PHC1: variants seen among roughly 807,000 people sequenced by gnomAD.
The protein encoded by PHC1 is polyhomeotic-like protein 1.
Under a neutral mutation model 104.3 loss-of-function variants are expected in PHC1, and 12 were observed. The observed-to-expected ratio is 0.12, with a 90% CI of 0.07 to 0.19. The LOEUF (loss-of-function observed/expected upper bound fraction) is 0.19, where lower values mean the gene tolerates loss of function less well. Among genes scored for constraint, PHC1 ranks in the 10% least tolerant of loss-of-function variants. The pLI, the probability that PHC1 is intolerant of heterozygous loss-of-function variation, is 1.00. For synonymous variants in PHC1, 302 were observed against 455.8 expected, an observed-to-expected ratio of 0.66 and a Z score of 4.30; for missense variants, 671 against 1,200.0, an observed-to-expected ratio of 0.56 and a Z score of 6.51.
chr12:8,930,293 C>T, intron 6 of PHC1, 142 bp from the exon 7 acceptor site: 1 of 1,303,622 alleles, frequency 7.7e-7, no homozygotes, highest in South Asian at 1.5e-5. Context: ...GTAGGAAGGC[C>T]TTAAAGTATA....
At chr12:8,937,417 T>A in intron 13 of PHC1, 91 bp downstream of exon 13, 1 of 1,201,042 alleles carries the variant, frequency 8.3e-7, no homozygotes, top group Non-Finnish European at 1.1e-6. Flanking sequence ...TAAGAGGGTG[T>A]GAGATGAGAA....
chr12:8,928,445 G>A (rs1358370717), intron 6 of PHC1, among the ~76,000 whole-genome samples: 1 of 152,084 alleles, frequency 6.6e-6, no homozygotes, highest in Non-Finnish European at 1.5e-5. Flanking sequence ...TATTTACTCT[G>A]TAATTTTTAA....
At position 8,918,861 on chromosome 12, in the gene PHC1, T is replaced by A. The variant is rs192423032; in HGVS notation, c.115-895T>A. The stretch of plus-strand genomic sequence containing the variant: ...ATGTATTGTTGGACGATTTTGTAAT[T>A]GCGTGACTGTCATAGAGCGCACTTA... On this transcript the variant is annotated intron_variant, in intron 2 of 14. Transcript: ENST00000544916. 1.1e-4 allele frequency among the ~76,000 whole-genome samples: 17 copies of A among 152,324 alleles called. No homozygotes were observed. The East Asian group carries it at 1.7e-3, about 16-fold the overall frequency.
In PHC1 at chr12:8,925,154, C is replaced by T. The variant is rs781424572; in HGVS notation, c.612+2366C>T. 4.6e-5 allele frequency among the ~76,000 whole-genome samples: 7 copies of T among 152,256 alleles called. No homozygotes were observed. In the South Asian group the frequency reaches 1.5e-3, roughly 32 times the overall value. On this transcript the variant is annotated intron_variant, in intron 6 of 14. Transcript: ENST00000544916. ...CCACTACTTACTGTGTGACCCTGTG[C>T]AAATGATCTGACATCTTTCTGTTAT...
intron 6 of PHC1, among the ~76,000 whole-genome samples, chr12:8,928,755 A>G (rs1204751646): frequency 6.6e-6 from 1 of 152,206 alleles, no homozygotes; most frequent in Non-Finnish European, 1.5e-5. Context: ...CACCATGTAT[A>G]TATTTTAATT....
rs1945793167 is a variant in PHC1 at position 8,934,979 on chromosome 12, A to T, written c.2254-145A>T. The T allele has an allele frequency of 1.1e-5, 6 of 561,370 alleles. No homozygotes were observed. The South Asian group carries it at 1.4e-4, about 13-fold the overall frequency. The allele number at this position is 561,370 out of a possible 1,614,324, so 34.8% of individuals were successfully genotyped here. On this transcript the variant is annotated intron_variant, in intron 10 of 14. Coordinates refer to ENST00000544916, the MANE Select transcript of PHC1 (RefSeq NM_004426.3). Reference sequence around the variant, plus strand: ...ACCAGTTACTACTCTTGATTACCGTATTGAAAGTGATTCTCTCTGAACCAG... The same window carrying T: ...ACCAGTTACTACTCTTGATTACCGTTTTGAAAGTGATTCTCTCTGAACCAG...
At chr12:8,924,543 T>C (rs1008121185) in intron 6 of PHC1, among the ~76,000 whole-genome samples, 1 of 152,146 alleles carries the variant, frequency 6.6e-6, no homozygotes, top group Non-Finnish European at 1.5e-5. Flanking sequence ...TGGAAAAGAA[T>C]TGGTTACATT....
chr12:8,935,771 T>A lies in PHC1; in HGVS notation c.2368+533T>A, dbSNP rs768782374. Among the ~76,000 whole-genome samples, 96 of 152,236 alleles carry A rather than the reference T, an allele frequency of 6.3e-4. 1 individual carries two copies. Among genetic ancestry groups the A allele is most frequent in the Middle Eastern group, 3.4e-3 (1 of 294 alleles). ...AATCTTTTGAATTATTATTATTATT[T>A]TTTTTTGAGACGGAGTTTCGCTCTT... On this transcript the variant is annotated intron_variant, in intron 11 of 14. Coordinates refer to ENST00000544916, the MANE Select transcript of PHC1 (RefSeq NM_004426.3).
At chr12:8,935,277 C>T (rs753234936) in intron 11 of PHC1, 39 bp downstream of exon 11, 2 of 1,096,460 alleles carry the variant, frequency 1.8e-6, no homozygotes, top group East Asian at 2.6e-5. Flanking sequence ...GGGAAGGAGA[C>T]TCGTGGAGAT....
At chr12:8,938,521 A>G (rs1467107887) in intron 14 of PHC1, among the ~76,000 whole-genome samples, 1 of 150,230 alleles carries the variant, frequency 6.7e-6, no homozygotes, top group Non-Finnish European at 1.5e-5. Context: ...GGCTCAAGAG[A>G]TCCTTCTGCC....
At position 8,937,273 on chromosome 12, in the gene PHC1, C is replaced by G; in HGVS notation, c.2575C>G (p.Arg859Gly). 1 of 1,611,984 alleles carries G rather than the reference C, an allele frequency of 6.2e-7. No individual in the cohort carries two copies. Among genetic ancestry groups the G allele is most frequent in the Non-Finnish European group, 8.5e-7 (1 of 1,179,036 alleles). ...NYARVRRRGP[R>G]RSSSDIARAK... ...TGCTCGCGTTCGCAGGCGTGGACCC[C>G]GCCGCAGCTCCTCTGACATTGCCCG... Residue 859 changes from arginine to glycine, a missense_variant, in exon 13 of 15, where the codon CGC becomes GGC. Transcript: ENST00000544916.
intron 9 of PHC1, 27 bp downstream of exon 9, chr12:8,934,039 G>GGAGA (rs1221438152): frequency 6.2e-7 from 1 of 1,611,572 alleles, no homozygotes; most frequent in East Asian, 2.2e-5. Flanking sequence ...TAATGCTGTT[G>GGAGA]GAGAGCACAC....
Position 8,920,972 on chromosome 12 carries a change from TC to T in PHC1, c.226-9del. On this transcript the variant is annotated splice_polypyrimidine_tract_variant and intron_variant, in intron 3 of 14. Transcript: ENST00000544916. ...TGTCTTTGCTATTTCTTGTTTCCCT[TC>T]CCCTTTAATAGGCCACAATTGCTGC... is the stretch of plus-strand genomic sequence containing the variant. 1 of 1,599,082 alleles carries T rather than the reference TC, an allele frequency of 6.3e-7. No individual in the cohort carries two copies.
chr12:8,917,863 T>A (rs1461490218), intron 2 of PHC1, 72 bp downstream of exon 2: 1 of 769,100 alleles, frequency 1.3e-6, no homozygotes, highest in South Asian at 1.8e-5. Flanking sequence ...TGGAAAATAA[T>A]TGTACTCAGT....
intron 2 of PHC1, 25 bp downstream of exon 2, chr12:8,917,816 T>C: frequency 1.6e-6 from 2 of 1,242,048 alleles, no homozygotes. Flanking sequence ...TGAGGGGCCA[T>C]GGTCTGTGAG....
chr12:8,916,327 T>G (rs189556852), intron 1 of PHC1, among the ~76,000 whole-genome samples: 2 of 152,314 alleles, frequency 1.3e-5, no homozygotes, highest in Admixed American at 1.3e-4. Flanking sequence ...GTTTGTTTGT[T>G]TTGGATGCAA....
At position 8,937,241 on chromosome 12, in the gene PHC1, C is replaced by G. The variant is rs752373369; in HGVS notation, c.2543C>G (p.Ala848Gly). 9.9e-6 allele frequency: 16 copies of G among 1,613,278 alleles called. No homozygotes were observed. Among genetic ancestry groups the G allele is most frequent in the Non-Finnish European group, 1.4e-5 (16 of 1,179,466 alleles). ...KRKKMKEFQE[A>G]NYARVRRRGP... Reference sequence around the variant, plus strand: ...AAAAAAATGAAAGAGTTTCAAGAAGCCAACTATGCTCGCGTTCGCAGGCGT... The same window carrying G: ...AAAAAAATGAAAGAGTTTCAAGAAGGCAACTATGCTCGCGTTCGCAGGCGT... The change falls in exon 13 of 15, where the codon GCC (alanine) becomes GGC (glycine). Residue 848 changes from alanine (A) to glycine (G), a missense_variant. Transcript: ENST00000544916.
At position 8,933,364 on chromosome 12, in the gene PHC1, G is replaced by C; in HGVS notation, c.1893+14G>C. 1 of 1,547,386 alleles carries C rather than the reference G, an allele frequency of 6.5e-7. No individual in the cohort carries two copies. Among genetic ancestry groups the C allele is most frequent in the Non-Finnish European group, 8.8e-7 (1 of 1,139,366 alleles). The stretch of plus-strand genomic sequence containing the variant: ...GTGCACTTGCCGGTGAGTGATGTCT[G>C]ATGGTTTTGAGGGCACTATTATGCA... On this transcript the variant is annotated intron_variant, in intron 8 of 14. Coordinates refer to ENST00000544916, the MANE Select transcript of PHC1 (RefSeq NM_004426.3).
At chr12:8,931,665 A>C (rs1945689627) in intron 7 of PHC1, among the ~76,000 whole-genome samples, 1 of 152,140 alleles carries the variant, frequency 6.6e-6, no homozygotes, top group Admixed American at 6.5e-5. Context: ...ACACCACTGC[A>C]CTCCAGCCTG....
Sources: allele counts gnomAD v4.1 joint callset (sites outside exome capture counted in the v4.1 genomes callset), GRCh38; gene constraint gnomAD v4.1.1; transcripts MANE v1.5; gene names NCBI Gene and HGNC (gene_info 2026-07-23, HGNC 2026-07-21).